ADAM12: variants seen among roughly 807,000 people sequenced by gnomAD.
ADAM12 encodes the protein ADAM metallopeptidase domain 12, also known as disintegrin and metalloproteinase domain-containing protein 12.
Under a neutral mutation model 106.4 loss-of-function variants are expected in ADAM12, and 70 were observed. The observed-to-expected ratio is 0.66, with a 90% CI of 0.54 to 0.80. The LOEUF is 0.80. Ranked by LOEUF, ADAM12 falls within the 30% of genes least tolerant of loss-of-function variation. The probability of loss-of-function intolerance (pLI) is 0.00; values close to 1 mark genes in which losing one functional copy is unlikely to be tolerated. For missense variants in ADAM12, 1,010 were observed against 1,171.9 expected, an observed-to-expected ratio of 0.86 and a Z score of 2.02; for synonymous variants, 420 against 433.5, an observed-to-expected ratio of 0.97 and a Z score of 0.39.
chr10:126,312,307 C>T (rs556261377), intron 2 of ADAM12, among the ~76,000 whole-genome samples: 3 of 152,240 alleles, frequency 2.0e-5, no homozygotes, highest in East Asian at 1.9e-4. Flanking sequence ...AACCCGACAG[C>T]GGGGCCTTCC....
chr10:126,326,756 C>T (rs7089049), intron 2 of ADAM12, among the ~76,000 whole-genome samples: 1,635 of 152,218 alleles, frequency 0.011, 40 homozygotes, highest in African/African-American at 0.038. Context: ...CCTCTCTACA[C>T]GCTCCCTCTT....
At chr10:126,021,968 T>C (rs1331462276) in intron 21 of ADAM12, among the ~76,000 whole-genome samples, 10 of 152,218 alleles carry the variant, frequency 6.6e-5, no homozygotes, top group Non-Finnish European at 1.5e-4. Flanking sequence ...CATTAGTGTG[T>C]CATGTAAAAA....
chr10:126,080,604 G>A (rs942490484), intron 11 of ADAM12, among the ~76,000 whole-genome samples: 5 of 152,134 alleles, frequency 3.3e-5, no homozygotes, highest in African/African-American at 7.2e-5. Context: ...TGTGGCCCCC[G>A]CTACGATGTG....
At chr10:126,041,873 C>A (rs757808095) in intron 18 of ADAM12, 8 of 1,332,166 alleles carry the variant, frequency 6.0e-6, no homozygotes, top group African/African-American at 1.5e-5. Flanking sequence ...ACCTGCTACT[C>A]TCTCAGGAGC....
intron 3 of ADAM12, among the ~76,000 whole-genome samples, chr10:126,275,318 C>T (rs912639945): frequency 6.6e-6 from 1 of 152,156 alleles, no homozygotes; most frequent in Non-Finnish European, 1.5e-5. Context: ...AGTTATCAAC[C>T]TGGTTTCTAC....
chr10:126,374,456 A>G (rs1485482515), intron 1 of ADAM12, among the ~76,000 whole-genome samples: 2 of 152,236 alleles, frequency 1.3e-5, no homozygotes, highest in African/African-American at 2.4e-5. Context: ...TAAGAATACA[A>G]AGAAAAGATA....
chr10:126,227,069 A>G (rs1008805863), intron 3 of ADAM12, among the ~76,000 whole-genome samples: 1 of 152,130 alleles, frequency 6.6e-6, no homozygotes, highest in African/African-American at 2.4e-5. Context: ...TATCATCAAT[A>G]CTTGCCCTGT....
rs756562372 is a variant in ADAM12, at chr10:126,049,215, A to G, written c.1917+38T>C. On this transcript the variant is annotated intron_variant, in intron 16 of 22. Coordinates refer to ENST00000448723, the MANE Select transcript of ADAM12 (RefSeq NM_001288973.2). The surrounding 1 kb of genome is among the most constrained non-coding windows in gnomAD (Gnocchi z 4.4). ...TGTTTTTCAATGGGCCCTGTTCCAGACTTACATTTATGATCCAAGCAAACA... is the reference window on the plus strand; with the variant it reads ...TGTTTTTCAATGGGCCCTGTTCCAGGCTTACATTTATGATCCAAGCAAACA... The G allele has an allele frequency of 6.2e-7, 1 of 1,610,644 alleles. No homozygotes were observed. Among genetic ancestry groups the G allele is most frequent in the Non-Finnish European group, 8.5e-7 (1 of 1,178,710 alleles).
At chr10:126,096,714 T>C (rs767146039) in intron 10 of ADAM12, among the ~76,000 whole-genome samples, 1 of 152,228 alleles carries the variant, frequency 6.6e-6, no homozygotes, top group Non-Finnish European at 1.5e-5. Context: ...TTCATGACTT[T>C]TGTAGAAATC....
At chr10:126,125,870 C>T (rs1330654335) in intron 5 of ADAM12, among the ~76,000 whole-genome samples, 1 of 151,272 alleles carries the variant, frequency 6.6e-6, no homozygotes, top group Non-Finnish European at 1.5e-5. Context: ...GGGAAGAAGG[C>T]CAAGCAAAGA....
chr10:126,143,353 GTA>G (rs1393161151), intron 4 of ADAM12, among the ~76,000 whole-genome samples: 1 of 148,952 alleles, frequency 6.7e-6, no homozygotes. Flanking sequence ...GTGCATGTGT[GTA>G]TATATACATG....
intron 21 of ADAM12, among the ~76,000 whole-genome samples, chr10:126,028,691 CTA>C (rs1235999043): frequency 6.6e-6 from 1 of 152,142 alleles, no homozygotes; most frequent in Non-Finnish European, 1.5e-5. Context: ...AAACCCAAAA[CTA>C]TAAAAACCTT....
chr10:126,224,534 C>G (rs1343131379), intron 3 of ADAM12, among the ~76,000 whole-genome samples: 1 of 151,974 alleles, frequency 6.6e-6, no homozygotes, highest in Non-Finnish European at 1.5e-5. Flanking sequence ...GGGATGGACT[C>G]TTGGGGAGGG....
chr10:126,206,860 C>CCAGT (rs1957806969), intron 3 of ADAM12, among the ~76,000 whole-genome samples: 1 of 97,834 alleles, frequency 1.0e-5, no homozygotes, highest in Non-Finnish European at 2.1e-5. Flanking sequence ...GTTGTGGGGG[C>CCAGT]GGGGGGGAGC....
At chr10:126,206,641 T>A (rs1957799523) in intron 3 of ADAM12, among the ~76,000 whole-genome samples, 1 of 152,224 alleles carries the variant, frequency 6.6e-6, no homozygotes, top group Admixed American at 6.5e-5. Context: ...CAGGCAATTA[T>A]AAGATTACAT....
intron 3 of ADAM12, among the ~76,000 whole-genome samples, chr10:126,252,088 T>C (rs1958790634): frequency 8.8e-6 from 1 of 114,096 alleles, no homozygotes; most frequent in Non-Finnish European, 1.8e-5. Context: ...ATGGATTAGA[T>C]GGATGGGATG....
chr10:126,356,675 T>C (rs1382629314), intron 1 of ADAM12, among the ~76,000 whole-genome samples: 1 of 152,172 alleles, frequency 6.6e-6, no homozygotes, highest in African/African-American at 2.4e-5. Context: ...TGATAAAGAA[T>C]TCAGAATAAT....
intron 3 of ADAM12, among the ~76,000 whole-genome samples, chr10:126,253,482 T>C (rs111869914): frequency 0.011 from 1,695 of 152,102 alleles, 18 homozygotes; most frequent in African/African-American, 0.028. Context: ...TCAGCCCACA[T>C]AGAAATAGCC....
At chr10:126,263,743 A>G (rs1047482101) in intron 3 of ADAM12, among the ~76,000 whole-genome samples, 29 of 152,342 alleles carry the variant, frequency 1.9e-4, no homozygotes, top group African/African-American at 6.3e-4. Flanking sequence ...ACATATTTCC[A>G]TCTACATCAG....
Sources: gnomAD v4.1 joint callset for allele counts (sites outside exome capture counted in the v4.1 genomes callset) on GRCh38, gnomAD v4.1.1 for gene constraint, Gnocchi (gnomAD v3.1) non-coding constraint, MANE v1.5 for transcripts, NCBI Gene and HGNC (gene_info 2026-07-23, HGNC 2026-07-21) for gene names.